ANKRD13A: variants seen among roughly 807,000 people sequenced by gnomAD.
The protein encoded by ANKRD13A is ankyrin repeat domain 13A, also known as ankyrin repeat domain-containing protein 13A.
A neutral mutation model predicts 81.3 loss-of-function variants in ANKRD13A; 48 were observed. The observed-to-expected ratio is 0.59, with a 90% CI of 0.47 to 0.75. ANKRD13A has a LOEUF of 0.75. Ranked by LOEUF, ANKRD13A falls within the 30% of genes least tolerant of loss-of-function variation. The pLI is 0.00. For synonymous variants in ANKRD13A, 230 were observed against 270.1 expected (o/e 0.85, Z 1.45); for missense variants, 612 against 734.0 (o/e 0.83, Z 1.92).
In ANKRD13A at chr12:110,027,693, A is replaced by G; in HGVS notation, c.884-12A>G. ...TATAATATTAGACTTTAAACTCCCT[A>G]CCCCTCTGTAGCAGACAGGAACCCG... On this transcript the variant is annotated splice_polypyrimidine_tract_variant and intron_variant, in intron 8 of 14. Coordinates refer to ENST00000261739, the MANE Select transcript of ANKRD13A (RefSeq NM_033121.2). 3.1e-6 allele frequency: 5 copies of G among 1,613,662 alleles called. No homozygotes were observed. The Middle Eastern group carries it at 4.9e-4, about 160-fold the overall frequency.
At chr12:110,037,323 T>C (rs1892123122) in intron 14 of ANKRD13A, 36 bp from the exon 15 acceptor site, 5 of 1,586,840 alleles carry the variant, frequency 3.2e-6, no homozygotes, top group Non-Finnish European at 4.3e-6. Flanking sequence ...ATGATGATAG[T>C]AGTGACTCTC....
intron 1 of ANKRD13A, among the ~76,000 whole-genome samples, chr12:110,008,123 T>C (rs1890330729): frequency 6.6e-6 from 1 of 152,228 alleles, no homozygotes; most frequent in Non-Finnish European, 1.5e-5. Context: ...ATGATGTTAG[T>C]TGTGGGTTTT....
chr12:110,019,096 T>G (rs1449459545), intron 5 of ANKRD13A, 43 bp from the exon 6 acceptor site: 4 of 1,522,652 alleles, frequency 2.6e-6, no homozygotes, highest in Non-Finnish European at 3.5e-6. Flanking sequence ...TTTTTGCATC[T>G]TCCCTACTTT....
At chr12:110,014,846 C>G (rs1035515329) in intron 3 of ANKRD13A, among the ~76,000 whole-genome samples, 2 of 146,412 alleles carry the variant, frequency 1.4e-5, no homozygotes, top group Non-Finnish European at 3.0e-5. Context: ...TGCAGTGGCG[C>G]GATCTTGGTT....
chr12:110,014,930 C>A (rs978430335), intron 3 of ANKRD13A, among the ~76,000 whole-genome samples: 1 of 151,800 alleles, frequency 6.6e-6, no homozygotes, highest in East Asian at 1.9e-4. Context: ...ACTACAGGCG[C>A]CCACCACCGC....
chr12:110,020,603 AG>A (rs1326016422), intron 6 of ANKRD13A, among the ~76,000 whole-genome samples: 1 of 152,222 alleles, frequency 6.6e-6, no homozygotes, highest in Non-Finnish European at 1.5e-5. Context: ...AGCAAAATTT[AG>A]GGACTGACTG....
chr12:110,003,236 G>C (rs1232639820), intron 1 of ANKRD13A, among the ~76,000 whole-genome samples: 2 of 152,142 alleles, frequency 1.3e-5, no homozygotes, highest in Non-Finnish European at 2.9e-5. Context: ...TGACTCTAGA[G>C]CCAGGCTCCC....
At chr12:110,007,036 A>G (rs1296892232) in intron 1 of ANKRD13A, among the ~76,000 whole-genome samples, 1 of 152,192 alleles carries the variant, frequency 6.6e-6, no homozygotes, top group East Asian at 1.9e-4. Context: ...TCTGGACTCT[A>G]AATTGTATTC....
intron 3 of ANKRD13A, among the ~76,000 whole-genome samples, chr12:110,015,036 A>G (rs1890722940): frequency 6.6e-6 from 1 of 151,870 alleles, no homozygotes; most frequent in Non-Finnish European, 1.5e-5. Context: ...TCGGCCTCCC[A>G]AAGTGCTGGG....
intron 1 of ANKRD13A, among the ~76,000 whole-genome samples, chr12:110,009,137 A>G (rs1890381304): frequency 6.6e-6 from 1 of 152,122 alleles, no homozygotes; most frequent in Admixed American, 6.5e-5. Flanking sequence ...GCTGGAGTGC[A>G]ATGGCACAAT....
rs1353534098 is a variant in ANKRD13A, at chr12:110,036,033, C to A, written c.1510-228C>A. Among the ~76,000 whole-genome samples, 1 of 152,138 alleles carries A rather than the reference C, an allele frequency of 6.6e-6. No homozygotes were observed. Among genetic ancestry groups the A allele is most frequent in the African/African-American group, 2.4e-5 (1 of 41,418 alleles). Reference sequence around the variant, plus strand: ...CTGTATTTAAGAGACTGATTTTGTACAAAGGATGAGAAGGTTGTGGCTGTG... The same window carrying A: ...CTGTATTTAAGAGACTGATTTTGTAAAAAGGATGAGAAGGTTGTGGCTGTG... On this transcript the variant is annotated intron_variant, in intron 13 of 14. Transcript: ENST00000261739. This position sits in a 1 kb window ranked among gnomAD's most constrained non-coding sequence, Gnocchi z 4.6.
intron 9 of ANKRD13A, 63 bp from the exon 10 acceptor site, chr12:110,028,449 C>T: frequency 6.3e-7 from 1 of 1,597,016 alleles, no homozygotes; most frequent in South Asian, 1.1e-5. Context: ...CACTGAGTGC[C>T]ACAGGCCTTC....
rs1891559648 is a variant in ANKRD13A, at chr12:110,029,612, C to T, written c.1211C>T (p.Pro404Leu). The T allele has an allele frequency of 1.9e-6, 3 of 1,613,506 alleles. No homozygotes were observed. Among genetic ancestry groups the T allele is most frequent in the Middle Eastern group, 1.7e-4 (1 of 6,060 alleles). Residue 404 changes from proline (P) to leucine (L), a missense_variant, in exon 11 of 15, where the codon CCA (proline) becomes CTA (leucine). Transcript: ENST00000261739. ...RLRDFIKLEF[P>L]PGFPVKIEIP... is the part of the protein sequence containing the mutation. ...AGAGATTTCATCAAATTGGAATTCC[C>T]ACCTGGATTTCCTGTCAAAATAGGT...
At chr12:110,021,815 A>C (rs1286848392) in intron 6 of ANKRD13A, 1 of 151,948 alleles carries the variant, frequency 6.6e-6, no homozygotes, top group Non-Finnish European at 1.5e-5. Context: ...TGCCCTGATG[A>C]ATTTTTGGCC....
chr12:110,033,862 C>T lies in ANKRD13A; in HGVS notation c.1414C>T (p.Gln472Ter). Reference protein sequence around the residue: ...VFEIPESYYVQDNGRNVHLQD... With the variant: ...VFEIPESYYV ...TGAAATTCCCGAATCTTACTATGTT[C>T]AAGACAATGGCAGAAATGTGCATTT... The change falls in exon 13 of 15, where the codon CAA becomes TAA. Residue 472 changes from glutamine to a stop codon, truncating the protein, a stop_gained. Transcript: ENST00000261739. LOFTEE classifies it high-confidence loss of function. The T allele has an allele frequency of 2.5e-6, 4 of 1,613,174 alleles. No homozygotes were observed. Among genetic ancestry groups the T allele is most frequent in the Non-Finnish European group, 3.4e-6 (4 of 1,179,608 alleles).
At position 110,016,380 on chromosome 12, in the gene ANKRD13A, C is replaced by T; in HGVS notation, c.355-8C>T. 1 of 1,583,888 alleles carries T rather than the reference C, an allele frequency of 6.3e-7. No individual in the cohort carries two copies. Among genetic ancestry groups the T allele is most frequent in the Non-Finnish European group, 8.6e-7 (1 of 1,159,532 alleles). ...GTAATCTGTTTTAAACCTTTGTCTG[C>T]CCTTCAGGCTCCGGATTTCTATGTG... On this transcript the variant is annotated splice_polypyrimidine_tract_variant and splice_region_variant and intron_variant, in intron 3 of 14. Transcript: ENST00000261739.
chr12:110,024,264 T>A (rs1331950140), intron 7 of ANKRD13A, 152 bp downstream of exon 7: 10 of 713,436 alleles, frequency 1.4e-5, no homozygotes, highest in African/African-American at 1.8e-5. Context: ...GATGTTTGAT[T>A]TTGTCTTATT....
chr12:110,020,501 G>A (rs1227040249), intron 6 of ANKRD13A, among the ~76,000 whole-genome samples: 1 of 152,256 alleles, frequency 6.6e-6, no homozygotes, highest in Non-Finnish European at 1.5e-5. Context: ...TGCTAGGGCA[G>A]GAGGGTGGCA....
At chr12:110,008,568 A>C (rs1329400705) in intron 1 of ANKRD13A, among the ~76,000 whole-genome samples, 3 of 152,158 alleles carry the variant, frequency 2.0e-5, no homozygotes, top group Non-Finnish European at 2.9e-5. Context: ...CATTGGTATT[A>C]ATTCTTTAAA....
Sources: allele counts gnomAD v4.1 joint callset (sites outside exome capture counted in the v4.1 genomes callset), GRCh38; gene constraint gnomAD v4.1.1; non-coding constraint Gnocchi (gnomAD v3.1); transcripts MANE v1.5; gene names NCBI Gene and HGNC (gene_info 2026-07-23, HGNC 2026-07-21).